DNAH11: variants seen among roughly 807,000 people sequenced by gnomAD.
The protein encoded by DNAH11 is axonemal beta dynein heavy chain 11.
In DNAH11, 442 loss-of-function variants were observed where a neutral mutation model predicts 526.0. The observed-to-expected ratio is 0.84, with a 90% confidence interval of 0.78 to 0.91. The LOEUF is 0.91. DNAH11 is among the 40% of genes least tolerant of loss of function. The pLI is 0.00. For synonymous variants in DNAH11, 2,461 were observed against 1,935.9 expected, an observed-to-expected ratio of 1.27 and a Z score of -7.12; for missense variants, 6,989 against 5,448.7, an observed-to-expected ratio of 1.28 and a Z score of -8.90.
chr7:21,594,022 A>ACACACTCTTTCTCCCTCATG (rs1288012916), intron 14 of DNAH11, among the ~76,000 whole-genome samples: 1 of 150,062 alleles, frequency 6.7e-6, no homozygotes, highest in Non-Finnish European at 1.5e-5. Flanking sequence ...ACACACTCAC[A>ACACACTCTTTCTCCCTCATG]CACACTCTTT....
chr7:21,882,869 T>A (rs1181543806), intron 75 of DNAH11, among the ~76,000 whole-genome samples: 1 of 152,090 alleles, frequency 6.6e-6, no homozygotes, highest in African/African-American at 2.4e-5. Flanking sequence ...TTTAAATAAT[T>A]ATTGAAAAGA....
intron 25 of DNAH11, 49 bp downstream of exon 25, chr7:21,620,127 G>A: frequency 1.4e-6 from 2 of 1,407,446 alleles, no homozygotes; most frequent in Non-Finnish European, 9.5e-7. Flanking sequence ...ATTTTTATTT[G>A]ACAAATAATT....
At chr7:21,711,589 A>G (rs1477512487) in intron 41 of DNAH11, 123 bp from the exon 42 acceptor site, 5 of 1,355,810 alleles carry the variant, frequency 3.7e-6, no homozygotes, top group Admixed American at 4.9e-5. Flanking sequence ...TTCAGACTGC[A>G]CTTCTGATTC....
At position 21,880,887 on chromosome 7, in the gene DNAH11, C is replaced by T. The variant is rs200590825; in HGVS notation, c.12381C>T (p.Asn4127=). ...TCCTCTACAACTACTTAGAGGCAAA[C>T]TCTAAAGTAAGTGCTAGTGGTCAAA... The part of the protein sequence containing the change: ...ASVLYNYLEA[N]SKVPWEDLRY... The change falls in exon 75 of 82, where the codon AAC becomes AAT. Residue 4127 remains asparagine (N), a synonymous_variant. Transcript: ENST00000409508. 1 of 1,600,088 alleles carries T rather than the reference C, an allele frequency of 6.2e-7. No homozygotes were observed. The highest frequency in any genetic ancestry group is 8.5e-7 in the Non-Finnish European group (1 of 1,176,462).
intron 32 of DNAH11, among the ~76,000 whole-genome samples, chr7:21,684,523 T>C (rs1333130260): frequency 6.6e-6 from 1 of 152,204 alleles, no homozygotes; most frequent in African/African-American, 2.4e-5. Context: ...AAGATCAATA[T>C]GTTTAAAATT....
intron 25 of DNAH11, among the ~76,000 whole-genome samples, chr7:21,623,995 TAAAAA>T (rs892247441): frequency 6.7e-6 from 1 of 149,332 alleles, no homozygotes; most frequent in African/African-American, 2.5e-5. Flanking sequence ...AAATAAAAAA[TAAAAA>T]AAAAGAATCC....
At chr7:21,802,748 C>A (rs1789050811) in intron 62 of DNAH11, among the ~76,000 whole-genome samples, 1 of 151,812 alleles carries the variant, frequency 6.6e-6, no homozygotes, top group African/African-American at 2.4e-5. Context: ...TCATGTGATA[C>A]ACAGGCAGAA....
At position 21,591,566 on chromosome 7, in the gene DNAH11, A is replaced by G. The variant is rs775621639; in HGVS notation, c.2656A>G (p.Asn886Asp). Residue 886 changes from asparagine (N) to aspartate (D), a missense_variant, in exon 14 of 82, where the codon AAC becomes GAC. By Grantham distance (23) the Asn-to-Asp change is conservative. Coordinates refer to ENST00000409508, the MANE Select transcript of DNAH11 (RefSeq NM_001277115.2). ...CCAAGGAGATGGCTGCAAGATCCAC[A>G]ACTTGGTCGAGGTAATGGCTTTTAA... Reference protein sequence around the residue: ...LIQGDGCKIHNLVEENRKLFK... With the variant: ...LIQGDGCKIHDLVEENRKLFK... 1 of 1,564,522 alleles carries G rather than the reference A, an allele frequency of 6.4e-7. No individual in the cohort carries two copies. Among genetic ancestry groups the G allele is most frequent in the East Asian group, 2.3e-5 (1 of 44,214 alleles).
chr7:21,573,267 CT>C (rs1224341802), intron 8 of DNAH11, among the ~76,000 whole-genome samples: 1 of 150,528 alleles, frequency 6.6e-6, no homozygotes, highest in African/African-American at 2.5e-5. Flanking sequence ...TATATATCTG[CT>C]TGGTATTTGT....
rs537233709 is a variant in DNAH11 at position 21,750,182 on chromosome 7, G to A, written c.8798-40G>A. The A allele has an allele frequency of 8.2e-5, 126 of 1,532,474 alleles. No homozygotes were observed. In the South Asian group the frequency reaches 1.5e-3, roughly 18 times the overall value. The allele number at this position is 1,532,474 out of a possible 1,614,324, so 94.9% of individuals were successfully genotyped here. A position where few individuals can be genotyped will look rare whatever the true frequency, so the allele number is the denominator to read the frequency against. ...AAAAGTTATATGTAAAATTTAAATT[G>A]CAATGATCTTTTAGTAATTCTACTC... is the stretch of plus-strand genomic sequence containing the variant. On this transcript the variant is annotated intron_variant, in intron 53 of 81. Transcript: ENST00000409508.
At chr7:21,851,277 C>T (rs768919001) in intron 66 of DNAH11, 23 of 242,966 alleles carry the variant, frequency 9.5e-5, no homozygotes, top group Non-Finnish European at 1.5e-4. Context: ...TCTCTGCTGC[C>T]GCCAAGGAAA....
Position 21,590,529 on chromosome 7 carries a change from T to C in DNAH11, c.2170-389T>C, listed in dbSNP as rs113995293. On this transcript the variant is annotated intron_variant, in intron 12 of 81. Coordinates refer to ENST00000409508, the MANE Select transcript of DNAH11 (RefSeq NM_001277115.2). ...AAGTGGGAAAGTTAGCCTCACTGAG[T>C]TGGATAAGCATACTCTGCACCCAAA... Among the ~76,000 whole-genome samples, 1,295 of 152,174 alleles carry C rather than the reference T, an allele frequency of 8.5e-3. 13 individuals are homozygous for C. Among genetic ancestry groups the C allele is most frequent in the African/African-American group, 0.029 (1,197 of 41,516 alleles).
intron 65 of DNAH11, among the ~76,000 whole-genome samples, chr7:21,827,894 T>C (rs1241621577): frequency 3.3e-5 from 5 of 152,164 alleles, no homozygotes; most frequent in African/African-American, 1.2e-4. Flanking sequence ...AATTGAACGC[T>C]ACACTGTAGT....
chr7:21,808,080 T>C, intron 63 of DNAH11, 31 bp downstream of exon 63: 2 of 1,374,208 alleles, frequency 1.5e-6, no homozygotes, highest in South Asian at 2.1e-5. Context: ...TGTCAGCAGG[T>C]AGAAAGATCA....
intron 4 of DNAH11, among the ~76,000 whole-genome samples, chr7:21,560,809 A>G (rs752847932): frequency 5.9e-5 from 9 of 152,220 alleles, no homozygotes; most frequent in Admixed American, 3.9e-4. Context: ...CCTTCAATCC[A>G]ATCAAGTTGA....
Position 21,732,076 on chromosome 7 carries a change from G to A in DNAH11, c.7441-3564G>A, listed in dbSNP as rs192742216. Among the ~76,000 whole-genome samples the A allele has an allele frequency of 2.6e-3, 389 of 152,266 alleles. 5 individuals are homozygous for A. Among genetic ancestry groups the A allele is most frequent in the Non-Finnish European group, 2.7e-3 (187 of 68,014 alleles). Reference sequence around the variant, plus strand: ...GAGCCTTGGAACATACCTCGCCCAGGTTAAAGGAGGACAAGTGTATTAGTT... The same window carrying A: ...GAGCCTTGGAACATACCTCGCCCAGATTAAAGGAGGACAAGTGTATTAGTT... On this transcript the variant is annotated intron_variant, in intron 45 of 81. Coordinates refer to ENST00000409508, the MANE Select transcript of DNAH11 (RefSeq NM_001277115.2).
At chr7:21,818,951 T>C (rs1485579206) in intron 65 of DNAH11, among the ~76,000 whole-genome samples, 1 of 152,058 alleles carries the variant, frequency 6.6e-6, no homozygotes, top group Non-Finnish European at 1.5e-5. Context: ...CAAGACAATA[T>C]ACTTTCCAGA....
At chr7:21,615,306 TTAG>T in intron 21 of DNAH11, 34 bp downstream of exon 21, 1 of 1,602,332 alleles carries the variant, frequency 6.2e-7, no homozygotes, top group Non-Finnish European at 8.5e-7. Context: ...TGCTTTTTAT[TTAG>T]TAGTTCTTTT....
chr7:21,812,827 A>T (rs1484339919), intron 63 of DNAH11, among the ~76,000 whole-genome samples: 1 of 152,140 alleles, frequency 6.6e-6, no homozygotes, highest in Non-Finnish European at 1.5e-5. Context: ...GTTGATGCTG[A>T]ATCACTTGGG....
Sources: gnomAD v4.1 joint callset for allele counts (sites outside exome capture counted in the v4.1 genomes callset) on GRCh38, gnomAD v4.1.1 for gene constraint, MANE v1.5 for transcripts, NCBI Gene and HGNC (gene_info 2026-07-23, HGNC 2026-07-21) for gene names.